GULP1: variants seen among roughly 807,000 people sequenced by gnomAD.
The protein encoded by GULP1 is PTB domain-containing engulfment adapter protein 1.
Under a neutral mutation model 40.9 loss-of-function variants are expected in GULP1, and 19 were observed. The observed-to-expected ratio is 0.46, with a 90% CI of 0.32 to 0.68. The LOEUF (loss-of-function observed/expected upper bound fraction) is 0.68, where lower values mean the gene tolerates loss of function less well. Ranked by LOEUF, GULP1 falls within the 30% of genes least tolerant of loss-of-function variation. GULP1 has a pLI of 0.03. For synonymous variants in GULP1, 119 were observed against 117.6 expected (o/e 1.01, Z -0.08); for missense variants, 312 against 362.2 (o/e 0.86, Z 1.12).
chr2:188,297,781 A>G (rs2035304276), intron 1 of GULP1, among the ~76,000 whole-genome samples: 1 of 152,092 alleles, frequency 6.6e-6, no homozygotes, highest in Admixed American at 6.6e-5. Context: ...TTTGGTTTGT[A>G]TTTAAATTAG....
chr2:188,582,657 T>G, intron 9 of GULP1: 1 of 390,578 alleles, frequency 2.6e-6, no homozygotes, highest in South Asian at 2.0e-5. Flanking sequence ...TATCAAAAAT[T>G]TAGATGTATC....
At chr2:188,461,827 G>A (rs1002699208) in intron 2 of GULP1, among the ~76,000 whole-genome samples, 1 of 151,880 alleles carries the variant, frequency 6.6e-6, no homozygotes, top group East Asian at 1.9e-4. Flanking sequence ...CAATGTCTCT[G>A]TTTTTTCTTA....
At position 188,593,788 on chromosome 2, in the gene GULP1, A is replaced by G. The variant is rs1385602634; in HGVS notation, c.844-152A>G. On this transcript the variant is annotated intron_variant, in intron 11 of 11. Coordinates refer to ENST00000409830, the MANE Select transcript of GULP1 (RefSeq NM_016315.4). ...AGAACTACCAGTGCTATACACCTAT[A>G]TAAAAATTCAGCAAGTCAACATTTG... The G allele has an allele frequency of 1.0e-5, 6 of 576,076 alleles. No individual in the cohort carries two copies. The East Asian group carries it at 1.1e-4, about 11-fold the overall frequency. The allele number at this position is 576,076 out of a possible 1,614,324, so 35.7% of individuals were successfully genotyped here. A position where few individuals can be genotyped will look rare whatever the true frequency, so the allele number is the denominator to read the frequency against.
intron 2 of GULP1, among the ~76,000 whole-genome samples, chr2:188,446,781 TTAA>T (rs1468996807): frequency 3.9e-5 from 6 of 152,224 alleles, no homozygotes; most frequent in African/African-American, 1.4e-4. Context: ...ATGCTTTGAC[TTAA>T]TGATGTAGTG....
intron 7 of GULP1, among the ~76,000 whole-genome samples, chr2:188,554,525 T>A (rs185769990): frequency 1.3e-5 from 2 of 151,970 alleles, no homozygotes; most frequent in Admixed American, 1.3e-4. Context: ...TTATCTTTTT[T>A]TTTTTTCTAA....
chr2:188,507,250 A>C (rs2064010263), intron 4 of GULP1, among the ~76,000 whole-genome samples: 1 of 151,942 alleles, frequency 6.6e-6, no homozygotes, highest in Non-Finnish European at 1.5e-5. Flanking sequence ...ATTAAGTGGC[A>C]GTAACTCTGA....
At position 188,588,124 on chromosome 2, in the gene GULP1, A is replaced by G. The variant is rs930133103; in HGVS notation, c.843+175A>G. The G allele has an allele frequency of 3.3e-5, 21 of 631,808 alleles. No homozygotes were observed. The African/African-American group carries it at 3.5e-4, about 11-fold the overall frequency. The allele number at this position is 631,808 out of a possible 1,614,324, so 39.1% of individuals were successfully genotyped here. A position where few individuals can be genotyped will look rare whatever the true frequency, so the allele number is the denominator to read the frequency against. On this transcript the variant is annotated intron_variant, in intron 11 of 11. Transcript: ENST00000409830. ...GTTAGTCCTAAAAATACTCCTACAT[A>G]TGCTAAGGATAAGGTTGTTGGTTTT... is the stretch of plus-strand genomic sequence containing the variant.
At position 188,348,530 on chromosome 2, in the gene GULP1, AT is replaced by A. The variant is rs1330993514; in HGVS notation, c.-171-35232del. Among the ~76,000 whole-genome samples, 96 of 152,192 alleles carry A rather than the reference AT, an allele frequency of 6.3e-4. 1 individual carries two copies. Among genetic ancestry groups the A allele is most frequent in the Admixed American group, 2.7e-3 (41 of 15,280 alleles). ...AAACACCAATTCCTCTCCCATGAAGATGGGTATAAGGAGGAAGTGTTAGATA... is the reference window on the plus strand; with the variant it reads ...AAACACCAATTCCTCTCCCATGAAGAGGGTATAAGGAGGAAGTGTTAGATA... On this transcript the variant is annotated intron_variant, in intron 1 of 11. Coordinates refer to ENST00000409830, the MANE Select transcript of GULP1 (RefSeq NM_016315.4).
chr2:188,514,711 A>G (rs888241238), intron 4 of GULP1, among the ~76,000 whole-genome samples: 8 of 152,166 alleles, frequency 5.3e-5, no homozygotes, highest in African/African-American at 1.9e-4. Context: ...ATTTTTACAC[A>G]ATTTTAAATA....
chr2:188,415,135 T>C (rs1200707784), intron 2 of GULP1, among the ~76,000 whole-genome samples: 1 of 152,198 alleles, frequency 6.6e-6, no homozygotes, highest in Non-Finnish European at 1.5e-5. Context: ...AATTCTTTAC[T>C]ATAGATTAAT....
chr2:188,337,443 C>A (rs1336719033), intron 1 of GULP1, among the ~76,000 whole-genome samples: 1 of 149,246 alleles, frequency 6.7e-6, no homozygotes, highest in East Asian at 2.0e-4. Context: ...CCCGGCCCTC[C>A]AACTTCTTTT....
chr2:188,362,105 C>T (rs1292211017), intron 1 of GULP1, among the ~76,000 whole-genome samples: 1 of 152,032 alleles, frequency 6.6e-6, no homozygotes, highest in Non-Finnish European at 1.5e-5. Context: ...TTAGTTGTAG[C>T]AGTTGACCCA....
At chr2:188,388,294 T>G (rs886978471) in intron 2 of GULP1, among the ~76,000 whole-genome samples, 2 of 149,384 alleles carry the variant, frequency 1.3e-5, no homozygotes, top group African/African-American at 2.5e-5. Flanking sequence ...TTTGGGAGAC[T>G]GAGGCAGGTG....
chr2:188,501,052 T>TA (rs1559314721), intron 4 of GULP1, among the ~76,000 whole-genome samples: 1 of 151,940 alleles, frequency 6.6e-6, no homozygotes, highest in Non-Finnish European at 1.5e-5. Flanking sequence ...TATATGTACT[T>TA]ACCTATGTTG....
rs1315871386 is a variant in GULP1 at position 188,595,318 on chromosome 2, C to T, written c.*1307C>T. On this transcript the variant is annotated 3_prime_UTR_variant, in exon 12 of 12. Transcript: ENST00000409830. ...AAATGTGACTTAGAGTAGGGGTAGCCCTCAAAAATAGATTTATCATTTACT... is the reference window on the plus strand; with the variant it reads ...AAATGTGACTTAGAGTAGGGGTAGCTCTCAAAAATAGATTTATCATTTACT... 1 of 151,344 alleles carries T rather than the reference C, an allele frequency of 6.6e-6. No homozygotes were observed. The highest frequency in any genetic ancestry group is 1.5e-5 in the Non-Finnish European group (1 of 67,606). 9.4% of individuals were successfully genotyped at this position (151,344 alleles called of 1,614,324 possible). A position where few individuals can be genotyped will look rare whatever the true frequency, so the allele number is the denominator to read the frequency against.
rs958946216 is a variant in GULP1, at chr2:188,515,036, A to G, written c.91-7720A>G. On this transcript the variant is annotated intron_variant, in intron 4 of 11. Transcript: ENST00000409830. ...ATCCGTGCAGGACATTTACTTGAAC[A>G]TTAGTATTCATTTCTCTGAGGTAAA... 7.9e-5 allele frequency among the ~76,000 whole-genome samples: 12 copies of G among 152,196 alleles called. 1 individual carries two copies. The highest frequency in any genetic ancestry group is 5.9e-4 in the Admixed American group (9 of 15,276).
chr2:188,420,048 T>C (rs1447692989), intron 2 of GULP1, among the ~76,000 whole-genome samples: 1 of 152,168 alleles, frequency 6.6e-6, no homozygotes, highest in Admixed American at 6.6e-5. Context: ...GTTCCACTGG[T>C]CTATATATCT....
rs1291109921 is a variant in GULP1 at position 188,424,829 on chromosome 2, A to G, written c.-45+40940A>G. ...TGTCATTTGTGCAGTAGAGTTTCCCACAGTCTGGATTTTAATGATGGCATC... is the reference window on the plus strand; with the variant it reads ...TGTCATTTGTGCAGTAGAGTTTCCCGCAGTCTGGATTTTAATGATGGCATC... On this transcript the variant is annotated intron_variant, in intron 2 of 11. Transcript: ENST00000409830. 3.9e-5 allele frequency among the ~76,000 whole-genome samples: 6 copies of G among 151,944 alleles called. 1 individual carries two copies. The South Asian group carries it at 6.2e-4, about 16-fold the overall frequency.
chr2:188,350,825 C>T (rs983499801), intron 1 of GULP1, among the ~76,000 whole-genome samples: 15 of 152,144 alleles, frequency 9.9e-5, no homozygotes, highest in African/African-American at 3.1e-4. Flanking sequence ...CATTTTGTAA[C>T]GTAGATGTCA....
Sources: allele counts gnomAD v4.1 joint callset (sites outside exome capture counted in the v4.1 genomes callset), GRCh38; gene constraint gnomAD v4.1.1; transcripts MANE v1.5; gene names NCBI Gene and HGNC (gene_info 2026-07-23, HGNC 2026-07-21).